Variants in RASGEF1C observed in about 807,000 individuals in gnomAD.
The protein encoded by RASGEF1C is RasGEF domain family member 1C, also known as ras-GEF domain-containing family member 1C.
In RASGEF1C, 27 loss-of-function variants were observed where a neutral mutation model predicts 58.1. That is an observed-to-expected ratio of 0.46 (90% CI 0.34 to 0.64). RASGEF1C has a LOEUF of 0.64. Among genes scored for constraint, RASGEF1C ranks in the 30% least tolerant of loss-of-function variants. The pLI is 0.01. For synonymous variants in RASGEF1C, 243 were observed against 246.3 expected (o/e 0.99, Z 0.13); for missense variants, 502 against 605.1 (o/e 0.83, Z 1.79).
In RASGEF1C at chr5:180,137,878, C is replaced by G. The variant is rs1455689684; in HGVS notation, c.175G>C (p.Glu59Gln). The change falls in exon 2 of 14, where the codon GAG becomes CAG. Residue 59 changes from glutamate to glutamine, a missense_variant and splice_region_variant. Transcript: ENST00000361132. This position sits in a 1 kb window ranked among gnomAD's most constrained non-coding sequence, Gnocchi z 4.1. ...HLVPTADYYPEKAYIFTFLLS... is the reference protein window; with the variant it reads ...HLVPTADYYPQKAYIFTFLLS... ...TGCCCGCTGGGTGGATCACCCACCT[C>G]GGGGTAGTAGTCGGCTGTGGGCACC... 3.7e-6 allele frequency: 6 copies of G among 1,611,754 alleles called. No individual in the cohort carries two copies. The Admixed American group carries it at 6.7e-5, about 18-fold the overall frequency.
At chr5:180,174,491 CGT>C (rs34690675) in intron 1 of RASGEF1C, among the ~76,000 whole-genome samples, 22 of 143,778 alleles carry the variant, frequency 1.5e-4, no homozygotes, top group South Asian at 2.2e-4. Flanking sequence ...TGTGTGTGCG[CGT>C]GTGTGTCTGT....
At chr5:180,207,858 G>A (rs114636781) in intron 1 of RASGEF1C, among the ~76,000 whole-genome samples, 1 of 152,070 alleles carries the variant, frequency 6.6e-6, no homozygotes. Flanking sequence ...TCCCTGACCA[G>A]ACGAAGGCTC....
chr5:180,199,251 C>T (rs1265531551), intron 1 of RASGEF1C, among the ~76,000 whole-genome samples: 1 of 152,110 alleles, frequency 6.6e-6, no homozygotes, highest in Non-Finnish European at 1.5e-5. Flanking sequence ...CTGACAAATC[C>T]GGATTGTGGG....
At chr5:180,111,306 G>T in intron 12 of RASGEF1C, 151 bp downstream of exon 12, 3 of 1,019,240 alleles carry the variant, frequency 2.9e-6, no homozygotes, top group Non-Finnish European at 4.3e-6. Context: ...CCAGCCAGGG[G>T]GATGGAGCCC....
At chr5:180,112,481 C>T (rs577450858) in intron 11 of RASGEF1C, among the ~76,000 whole-genome samples, 1 of 152,344 alleles carries the variant, frequency 6.6e-6, no homozygotes, top group Admixed American at 6.5e-5. Context: ...AGATGAAGAC[C>T]CATCTTACAC....
At chr5:180,182,139 A>C (rs1247398547) in intron 1 of RASGEF1C, among the ~76,000 whole-genome samples, 1 of 132,524 alleles carries the variant, frequency 7.5e-6, no homozygotes, top group Non-Finnish European at 1.6e-5. Flanking sequence ...CGGGAGGTGG[A>C]GCTTGCAGTG....
intron 1 of RASGEF1C, among the ~76,000 whole-genome samples, chr5:180,148,689 T>C (rs1285415775): frequency 6.6e-6 from 1 of 152,206 alleles, no homozygotes; most frequent in Non-Finnish European, 1.5e-5. Context: ...AAGCACAGAC[T>C]TAATACTTAT....
In RASGEF1C at chr5:180,102,094, TTC is replaced by T; in HGVS notation, c.1351_1352del (p.Glu451LysfsTer21). On this transcript the variant is annotated frameshift_variant, in exon 13 of 14. Coordinates refer to ENST00000361132, the MANE Select transcript of RASGEF1C (RefSeq NM_175062.4). LOFTEE classifies it high-confidence loss of function. ...ACCTTAGAGCTTTCCATCTTTCTTT[TTC>T]TGTTTGGTTCTCTGGGCTCTCACTT... ...YESESPENQTEKERWKALRSS... is the reference protein window; with the variant it reads ...YESESPENQTXKERWKALRSS... The T allele has an allele frequency of 6.2e-7, 1 of 1,604,196 alleles. No homozygotes were observed. Among genetic ancestry groups the T allele is most frequent in the East Asian group, 2.2e-5 (1 of 44,844 alleles).
intron 1 of RASGEF1C, among the ~76,000 whole-genome samples, chr5:180,142,148 G>A (rs1481588660): frequency 6.6e-6 from 1 of 152,048 alleles, no homozygotes. Context: ...GATGGGGAAC[G>A]TTCTGCTCGT....
chr5:180,163,397 G>A (rs966047480), intron 1 of RASGEF1C, among the ~76,000 whole-genome samples: 3 of 151,870 alleles, frequency 2.0e-5, no homozygotes, highest in East Asian at 3.8e-4. Flanking sequence ...TTGTGAAAAT[G>A]CCCTTTATCA....
chr5:180,120,089 G>A lies in RASGEF1C; in HGVS notation c.805-641C>T, dbSNP rs563947259. On this transcript the variant is annotated intron_variant, in intron 7 of 13. Transcript: ENST00000361132. ...GGGTAGGAAGTGGGCTGGGCCGGTGGGGCCCGCGTTGCATTCTTTCCACAC... is the reference window on the plus strand; with the variant it reads ...GGGTAGGAAGTGGGCTGGGCCGGTGAGGCCCGCGTTGCATTCTTTCCACAC... Among the ~76,000 whole-genome samples the A allele has an allele frequency of 3.3e-5, 5 of 152,326 alleles. No individual in the cohort carries two copies. In the East Asian group the frequency reaches 9.7e-4, roughly 29 times the overall value.
intron 4 of RASGEF1C, among the ~76,000 whole-genome samples, chr5:180,134,853 C>T (rs59296658): frequency 4.3e-4 from 48 of 112,694 alleles, no homozygotes; most frequent in Admixed American, 7.3e-4. Context: ...CCCATCCACC[C>T]ACCCACCTGT....
intron 4 of RASGEF1C, chr5:180,135,288 G>A (rs1304025076): frequency 6.6e-6 from 1 of 152,268 alleles, no homozygotes; most frequent in Non-Finnish European, 1.5e-5. Flanking sequence ...ACCCCGGGCA[G>A]TGCCTCCCTC....
intron 1 of RASGEF1C, among the ~76,000 whole-genome samples, chr5:180,144,008 T>G (rs1041092307): frequency 5.3e-5 from 8 of 152,084 alleles, no homozygotes; most frequent in African/African-American, 1.9e-4. Context: ...ACCTGTGAGC[T>G]CTGAGAAGAG....
intron 1 of RASGEF1C, among the ~76,000 whole-genome samples, chr5:180,141,634 A>G (rs1766580747): frequency 6.6e-6 from 1 of 152,146 alleles, no homozygotes; most frequent in South Asian, 2.1e-4. Context: ...CAGTTCCACC[A>G]CGATATGAAG....
At chr5:180,173,710 T>C (rs55773286) in intron 1 of RASGEF1C, among the ~76,000 whole-genome samples, 8,314 of 152,062 alleles carry the variant, frequency 0.055, 346 homozygotes, top group Non-Finnish European at 0.087. Context: ...GTCAGGAGTT[T>C]GAGACCAGCC....
intron 1 of RASGEF1C, among the ~76,000 whole-genome samples, chr5:180,159,808 C>A (rs761252104): frequency 2.0e-5 from 3 of 152,212 alleles, no homozygotes; most frequent in African/African-American, 7.2e-5. Context: ...AAAAGTCCCA[C>A]GGGTGTACTT....
At chr5:180,191,148 C>T (rs1161793717) in intron 1 of RASGEF1C, among the ~76,000 whole-genome samples, 1 of 152,076 alleles carries the variant, frequency 6.6e-6, no homozygotes. Context: ...TACCAGATGC[C>T]GCATGGATAG....
intron 12 of RASGEF1C, among the ~76,000 whole-genome samples, chr5:180,110,252 G>A (rs771079448): frequency 3.7e-4 from 57 of 152,302 alleles, no homozygotes; most frequent in Non-Finnish European, 7.1e-4. Flanking sequence ...TCAGCTGCTC[G>A]GCTTCTTAGT....
Sources: allele counts gnomAD v4.1 joint callset (sites outside exome capture counted in the v4.1 genomes callset), GRCh38; gene constraint gnomAD v4.1.1; non-coding constraint Gnocchi (gnomAD v3.1); transcripts MANE v1.5; gene names NCBI Gene and HGNC (gene_info 2026-07-23, HGNC 2026-07-21).